The following TTC28 variants were observed in gnomAD, a reference collection of about 807,000 sequenced individuals.
The protein encoded by TTC28 is tetratricopeptide repeat domain 28, also known as tetratricopeptide repeat protein 28.
TTC28 carries 61 observed loss-of-function variants against 198.0 expected under a neutral mutation model. The observed-to-expected ratio is 0.31, with a 90% CI of 0.25 to 0.38. TTC28 has a LOEUF of 0.38. Among genes scored for constraint, TTC28 ranks in the 10% least tolerant of loss-of-function variants. TTC28 has a pLI of 1.00. For synonymous variants in TTC28, 1,171 were observed against 1,297.8 expected (o/e 0.90, Z 2.10); for missense variants, 2,678 against 3,164.0 (o/e 0.85, Z 3.69).
intron 2 of TTC28, among the ~76,000 whole-genome samples, chr22:28,477,037 A>T (rs2048177246): frequency 6.6e-6 from 1 of 152,222 alleles, no homozygotes; most frequent in African/African-American, 2.4e-5. Flanking sequence ...ATATAATTCC[A>T]CTATATAAAG....
intron 5 of TTC28, among the ~76,000 whole-genome samples, chr22:28,230,204 C>T (rs954394722): frequency 6.6e-6 from 1 of 152,198 alleles, no homozygotes; most frequent in Non-Finnish European, 1.5e-5. Flanking sequence ...GTAATTGTCA[C>T]ATCAGCCCAA....
At chr22:28,515,280 G>A (rs1279570123) in intron 2 of TTC28, among the ~76,000 whole-genome samples, 1 of 152,078 alleles carries the variant, frequency 6.6e-6, no homozygotes, top group African/African-American at 2.4e-5. Context: ...TGGATTCTAT[G>A]ATCTTCCAAA....
chr22:28,036,110 G>A (rs1247940848), intron 12 of TTC28, among the ~76,000 whole-genome samples: 1 of 152,116 alleles, frequency 6.6e-6, no homozygotes, highest in Non-Finnish European at 1.5e-5. Context: ...AGGATATCCA[G>A]GACATGAACT....
chr22:28,057,467 G>A (rs767715294), intron 12 of TTC28, among the ~76,000 whole-genome samples: 5 of 151,936 alleles, frequency 3.3e-5, no homozygotes, highest in African/African-American at 2.4e-5. Context: ...ATCTTTCCAC[G>A]TTTTAAATTG....
intron 2 of TTC28, among the ~76,000 whole-genome samples, chr22:28,619,007 A>G (rs911060453): frequency 6.6e-5 from 10 of 152,252 alleles, no homozygotes; most frequent in African/African-American, 2.4e-4. Flanking sequence ...AAATACCTGA[A>G]CAGAATGCTT....
At chr22:28,445,390 G>A (rs922626405) in intron 2 of TTC28, among the ~76,000 whole-genome samples, 3 of 152,186 alleles carry the variant, frequency 2.0e-5, no homozygotes, top group Non-Finnish European at 4.4e-5. Flanking sequence ...ATAATTTCAG[G>A]TTCTCCAGGA....
chr22:28,107,585 C>T lies in TTC28; in HGVS notation c.2260G>A (p.Ala754Thr). Residue 754 changes from alanine (A) to threonine (T), a missense_variant, in exon 7 of 23, where the codon GCC becomes ACC. Transcript: ENST00000397906. ...GTGCCCAGGGCTGCATATGCACTGG[C>T]TTCTAATCTTCTGTCCTTTACCTGG... ...AHQVKDRRLE[A>T]SAYAALGTAY... The T allele has an allele frequency of 1.3e-6, 2 of 1,551,796 alleles. No individual in the cohort carries two copies. Among genetic ancestry groups the T allele is most frequent in the South Asian group, 1.2e-5 (1 of 84,056 alleles).
intron 6 of TTC28, among the ~76,000 whole-genome samples, chr22:28,156,598 T>C (rs193274300): frequency 1.6e-4 from 25 of 152,306 alleles, no homozygotes; most frequent in African/African-American, 5.5e-4. Context: ...AGCTAGGAGT[T>C]AACCTAGAAA....
intron 5 of TTC28, among the ~76,000 whole-genome samples, chr22:28,211,651 A>C (rs192683637): frequency 1.6e-4 from 24 of 152,254 alleles, no homozygotes; most frequent in South Asian, 6.2e-4. Context: ...AGAGACCTAC[A>C]AAGAGACTTA....
intron 5 of TTC28, among the ~76,000 whole-genome samples, chr22:28,280,384 T>C (rs1436584851): frequency 1.3e-5 from 2 of 152,186 alleles, no homozygotes; most frequent in African/African-American, 4.8e-5. Context: ...TGGAGTGCAA[T>C]GGCGCGACCT....
intron 6 of TTC28, among the ~76,000 whole-genome samples, chr22:28,129,443 A>G (rs1464299821): frequency 6.6e-6 from 1 of 152,198 alleles, no homozygotes; most frequent in Non-Finnish European, 1.5e-5. Flanking sequence ...TCATTCCAAG[A>G]TGTTCTCAAA....
At chr22:28,237,885 T>A (rs897418463) in intron 5 of TTC28, among the ~76,000 whole-genome samples, 2 of 152,282 alleles carry the variant, frequency 1.3e-5, no homozygotes, top group East Asian at 3.9e-4. Flanking sequence ...TACTGAATTC[T>A]GGGGGGAGAG....
intron 1 of TTC28, among the ~76,000 whole-genome samples, chr22:28,641,322 C>G (rs77354082): frequency 7.5e-6 from 1 of 133,094 alleles, no homozygotes; most frequent in Admixed American, 7.8e-5. Flanking sequence ...GACTCCGTCT[C>G]AAAAAAAAAA....
rs141267772 is a variant in TTC28 at position 28,673,023 on chromosome 22, T to C, written c.102+6599A>G. Among the ~76,000 whole-genome samples the C allele has an allele frequency of 7.0e-3, 1,071 of 152,218 alleles. 13 individuals carry two copies. The highest frequency in any genetic ancestry group is 0.025 in the African/African-American group (1,035 of 41,536). On this transcript the variant is annotated intron_variant, in intron 1 of 22. Transcript: ENST00000397906. The stretch of plus-strand genomic sequence containing the variant: ...GATAAAGAGTAGGATTGCTAAGAAA[T>C]AGCAAATGGTCTAAGCACAACAAAC...
intron 2 of TTC28, among the ~76,000 whole-genome samples, chr22:28,462,828 C>G (rs1174589466): frequency 2.0e-5 from 3 of 152,170 alleles, no homozygotes. Context: ...TTAGGTCCCA[C>G]TGGGCCCAAA....
chr22:28,406,808 G>A (rs2047004049), intron 2 of TTC28, among the ~76,000 whole-genome samples: 1 of 152,146 alleles, frequency 6.6e-6, no homozygotes, highest in South Asian at 2.1e-4. Context: ...GACTCATATG[G>A]AGTTCCTCTC....
At chr22:28,573,694 TACAA>T (rs552668109) in intron 2 of TTC28, among the ~76,000 whole-genome samples, 10 of 152,290 alleles carry the variant, frequency 6.6e-5, no homozygotes, top group African/African-American at 9.6e-5. Flanking sequence ...TTCTTTGTGT[TACAA>T]ACAATCTAAT....
chr22:28,018,916 C>T (rs1194581048), intron 13 of TTC28, among the ~76,000 whole-genome samples: 1 of 152,234 alleles, frequency 6.6e-6, no homozygotes, highest in Non-Finnish European at 1.5e-5. Flanking sequence ...CTGCTGCTGC[C>T]TTGTGCAGAC....
At chr22:28,342,123 T>G (rs531871024) in intron 2 of TTC28, among the ~76,000 whole-genome samples, 1 of 152,356 alleles carries the variant, frequency 6.6e-6, no homozygotes, top group South Asian at 2.1e-4. Flanking sequence ...TTGTTTTTTG[T>G]GTTAAATTTC....
Sources: gnomAD v4.1 joint callset for allele counts (sites outside exome capture counted in the v4.1 genomes callset) on GRCh38, gnomAD v4.1.1 for gene constraint, MANE v1.5 for transcripts, NCBI Gene and HGNC (gene_info 2026-07-23, HGNC 2026-07-21) for gene names.